Variants in KIAA1549L observed in about 807,000 individuals in gnomAD.
KIAA1549L encodes KIAA1549 like, also known as UPF0606 protein KIAA1549L.
Under a neutral mutation model 160.7 loss-of-function variants are expected in KIAA1549L, and 88 were observed. The observed-to-expected ratio is 0.55, with a 90% confidence interval of 0.46 to 0.65. KIAA1549L has a LOEUF of 0.65. KIAA1549L is among the 30% of genes least tolerant of loss of function. The pLI is 0.00. For synonymous variants in KIAA1549L, 950 were observed against 976.7 expected (o/e 0.97, Z 0.51); for missense variants, 2,258 against 2,437.5 (o/e 0.93, Z 1.55).
chr11:33,617,403 T>G (rs574497612), intron 15 of KIAA1549L, among the ~76,000 whole-genome samples: 13 of 152,288 alleles, frequency 8.5e-5, no homozygotes, highest in African/African-American at 3.1e-4. Context: ...TAATGACAAG[T>G]GGAGACAATA....
chr11:33,387,820 C>G (rs1216426369), intron 1 of KIAA1549L, among the ~76,000 whole-genome samples: 3 of 152,124 alleles, frequency 2.0e-5, no homozygotes, highest in African/African-American at 7.2e-5. Flanking sequence ...CCGTCTGTGT[C>G]TTTACAAGCC....
intron 5 of KIAA1549L, 29 bp downstream of exon 5, chr11:33,551,288 A>G: frequency 6.3e-7 from 1 of 1,589,216 alleles, no homozygotes; most frequent in Middle Eastern, 2.2e-4. Flanking sequence ...AGGGATTTTC[A>G]TCCATTCTTG....
chr11:33,487,968 G>A (rs1034402121), intron 1 of KIAA1549L, among the ~76,000 whole-genome samples: 13 of 152,190 alleles, frequency 8.5e-5, no homozygotes, highest in Non-Finnish European at 4.4e-5. Flanking sequence ...TCCCTGGGAG[G>A]CAGGATGATA....
intron 20 of KIAA1549L, among the ~76,000 whole-genome samples, chr11:33,666,140 G>A (rs1487906841): frequency 6.6e-6 from 1 of 151,934 alleles, no homozygotes; most frequent in African/African-American, 2.4e-5. Flanking sequence ...CAATTTGGGT[G>A]GCTGTAGCCC....
intron 16 of KIAA1549L, among the ~76,000 whole-genome samples, chr11:33,641,396 G>C (rs981680474): frequency 6.6e-6 from 1 of 151,778 alleles, no homozygotes; most frequent in African/African-American, 2.4e-5. Flanking sequence ...ATGCTGATGT[G>C]CCAGATACTG....
rs200582452 is a variant in KIAA1549L at position 33,638,433 on chromosome 11, A to ATAAAT, written c.5410-7253_5410-7252insTAAAT. Among the ~76,000 whole-genome samples, 20 of 37,690 alleles carry ATAAAT rather than the reference A, an allele frequency of 5.3e-4. 1 individual carries two copies. The highest frequency in any genetic ancestry group is 4.8e-3 in the East Asian group (4 of 834). The allele number at this position is 37,690 out of a possible 152,430, so 24.7% of individuals were successfully genotyped here. On this transcript the variant is annotated intron_variant, in intron 16 of 20. Coordinates refer to ENST00000658780, the MANE Select transcript of KIAA1549L (RefSeq NM_012194.3). ...TTCTCTAAAATAAATAAAAAAAAAA[A>ATAAAT]AAATAAATAAATAAATAAATAAATA...
At chr11:33,435,380 A>G (rs1851331780) in intron 1 of KIAA1549L, among the ~76,000 whole-genome samples, 1 of 152,130 alleles carries the variant, frequency 6.6e-6, no homozygotes, top group Non-Finnish European at 1.5e-5. Context: ...AAAAATGAGA[A>G]AGCAAGTGGG....
chr11:33,621,060 C>A (rs576593808), intron 16 of KIAA1549L, among the ~76,000 whole-genome samples: 31 of 152,252 alleles, frequency 2.0e-4, no homozygotes, highest in Non-Finnish European at 4.1e-4. Flanking sequence ...GGTTGGGGAA[C>A]CTTGACACCG....
chr11:33,461,059 A>G (rs1851931488), intron 1 of KIAA1549L, among the ~76,000 whole-genome samples: 1 of 152,134 alleles, frequency 6.6e-6, no homozygotes, highest in Admixed American at 6.5e-5. Context: ...AAAAAGCATT[A>G]AAATTGAATT....
At chr11:33,413,256 A>ATTTT (rs35296412) in intron 1 of KIAA1549L, among the ~76,000 whole-genome samples, 2 of 145,166 alleles carry the variant, frequency 1.4e-5, no homozygotes, top group African/African-American at 5.1e-5. Context: ...TTGAACACAG[A>ATTTT]TTTTTTTTTT....
At chr11:33,450,172 G>A (rs1427593555) in intron 1 of KIAA1549L, among the ~76,000 whole-genome samples, 1 of 152,100 alleles carries the variant, frequency 6.6e-6, no homozygotes, top group African/African-American at 2.4e-5. Flanking sequence ...AGATGATCAA[G>A]GGCAAATATA....
intron 15 of KIAA1549L, among the ~76,000 whole-genome samples, chr11:33,612,002 G>A (rs1472868881): frequency 5.9e-5 from 9 of 152,292 alleles, no homozygotes; most frequent in African/African-American, 1.9e-4. Flanking sequence ...CACGTGTATT[G>A]TAGCTAATTC....
intron 1 of KIAA1549L, among the ~76,000 whole-genome samples, chr11:33,516,999 C>T (rs899420724): frequency 2.6e-5 from 4 of 152,222 alleles, no homozygotes; most frequent in African/African-American, 7.2e-5. Flanking sequence ...TGAGTGAGGT[C>T]GCATCTTCAA....
chr11:33,487,960 C>T (rs1239963389), intron 1 of KIAA1549L, among the ~76,000 whole-genome samples: 1 of 152,170 alleles, frequency 6.6e-6, no homozygotes, highest in Non-Finnish European at 1.5e-5. Flanking sequence ...CTTTCCCATC[C>T]CTGGGAGGCA....
intron 1 of KIAA1549L, among the ~76,000 whole-genome samples, chr11:33,401,632 G>A (rs1850502706): frequency 6.6e-6 from 1 of 151,876 alleles, no homozygotes; most frequent in Non-Finnish European, 1.5e-5. Context: ...CATGATTATG[G>A]CTCACTGCAG....
At position 33,541,832 on chromosome 11, in the gene KIAA1549L, G is replaced by A. The variant is rs1565175011; in HGVS notation, c.269G>A (p.Arg90Gln). Residue 90 changes from arginine (R) to glutamine (Q), a missense_variant, in exon 2 of 21, where the codon CGG becomes CAG. Arg to Gln is a conservative substitution (Grantham distance 43, BLOSUM62 1). Coordinates refer to ENST00000658780, the MANE Select transcript of KIAA1549L (RefSeq NM_012194.3). ...GACAATCTACAGATGAATGTCACCCGGACTCCAGAGTCATTTCCTCCCGGG... is the reference window on the plus strand; with the variant it reads ...GACAATCTACAGATGAATGTCACCCAGACTCCAGAGTCATTTCCTCCCGGG... ...GTDNLQMNVT[R>Q]TPESFPPGKL... 1 of 285,142 alleles carries A rather than the reference G, an allele frequency of 3.5e-6. No individual in the cohort carries two copies. The highest frequency in any genetic ancestry group is 4.1e-5 in the Admixed American group (1 of 24,268). 17.7% of individuals were successfully genotyped at this position (285,142 alleles called of 1,614,324 possible).
At chr11:33,506,892 C>T (rs1213187678) in intron 1 of KIAA1549L, among the ~76,000 whole-genome samples, 1 of 152,068 alleles carries the variant, frequency 6.6e-6, no homozygotes, top group Non-Finnish European at 1.5e-5. Flanking sequence ...GTCATGGAAG[C>T]CCCACCTCCC....
chr11:33,377,351 C>G (rs1012458747), intron 1 of KIAA1549L, among the ~76,000 whole-genome samples: 8 of 152,168 alleles, frequency 5.3e-5, no homozygotes, highest in African/African-American at 1.7e-4. Flanking sequence ...TAGCGGAACC[C>G]TTTTCTTTTG....
At chr11:33,621,589 C>T (rs1020968058) in intron 16 of KIAA1549L, among the ~76,000 whole-genome samples, 1 of 151,958 alleles carries the variant, frequency 6.6e-6, no homozygotes, top group Non-Finnish European at 1.5e-5. Flanking sequence ...AAAAATATCT[C>T]TATTTCAAAG....
Sources: allele counts gnomAD v4.1 joint callset (sites outside exome capture counted in the v4.1 genomes callset), GRCh38; gene constraint gnomAD v4.1.1; transcripts MANE v1.5; gene names NCBI Gene and HGNC (gene_info 2026-07-23, HGNC 2026-07-21).